CSMD1: variants seen among roughly 807,000 people sequenced by gnomAD.
CSMD1 encodes CUB and sushi domain-containing protein 1.
In CSMD1, 213 loss-of-function variants were observed where a neutral mutation model predicts 417.5. That is an observed-to-expected ratio of 0.51 (90% CI 0.46 to 0.57). CSMD1 has a LOEUF of 0.57. CSMD1 is among the 20% of genes least tolerant of loss of function. CSMD1 has a pLI of 0.00. For synonymous variants in CSMD1, 2,862 were observed against 1,736.8 expected (o/e 1.65, Z -16.11); for missense variants, 6,923 against 4,529.7 (o/e 1.53, Z -15.17).
intron 1 of CSMD1, among the ~76,000 whole-genome samples, chr8:4,771,601 T>C (rs569021744): frequency 6.6e-6 from 1 of 152,324 alleles, no homozygotes; most frequent in African/African-American, 2.4e-5. Flanking sequence ...TATTGAGTAA[T>C]TAAATGTTGA....
chr8:3,990,908 A>C (rs1315361507), intron 5 of CSMD1, among the ~76,000 whole-genome samples: 3 of 152,166 alleles, frequency 2.0e-5, no homozygotes, highest in African/African-American at 2.4e-5. Context: ...CTGACGTGAA[A>C]GACCCTTCCT....
At chr8:3,290,871 G>C (rs148621739) in intron 25 of CSMD1, among the ~76,000 whole-genome samples, 1 of 151,800 alleles carries the variant, frequency 6.6e-6, no homozygotes, top group Non-Finnish European at 1.5e-5. Flanking sequence ...TATTGAATAG[G>C]AGTGGTGAGA....
rs181843887 is a variant in CSMD1 at position 4,285,953 on chromosome 8, A to G, written c.415+134000T>C. Among the ~76,000 whole-genome samples the G allele has an allele frequency of 1.7e-3, 260 of 152,284 alleles. 1 individual carries two copies. Among genetic ancestry groups the G allele is most frequent in the Middle Eastern group, 3.4e-3 (1 of 294 alleles). On this transcript the variant is annotated intron_variant, in intron 3 of 69. Coordinates refer to ENST00000635120, the MANE Select transcript of CSMD1 (RefSeq NM_033225.6). Reference sequence around the variant, plus strand: ...TTTAAGTGGCTATGATATATCCGCAATGCTATAATTACACGTATGCAGTGA... The same window carrying G: ...TTTAAGTGGCTATGATATATCCGCAGTGCTATAATTACACGTATGCAGTGA...
chr8:4,723,905 G>A (rs1409334803), intron 1 of CSMD1, among the ~76,000 whole-genome samples: 1 of 151,686 alleles, frequency 6.6e-6, no homozygotes, highest in Admixed American at 6.6e-5. Flanking sequence ...GATTTGTCCT[G>A]CATATACAGA....
intron 5 of CSMD1, among the ~76,000 whole-genome samples, chr8:3,800,448 A>C (rs1800392945): frequency 6.6e-6 from 1 of 152,158 alleles, no homozygotes; most frequent in South Asian, 2.1e-4. Context: ...ATTCTACAAA[A>C]AGTGCTGGGA....
At chr8:4,309,213 G>C (rs115446540) in intron 3 of CSMD1, among the ~76,000 whole-genome samples, 5,522 of 152,086 alleles carry the variant, frequency 0.036, 248 homozygotes, top group East Asian at 0.2. Flanking sequence ...GGGTCAGTTT[G>C]ATATTACCGT....
At chr8:3,087,349 C>T in intron 48 of CSMD1, 64 bp from the exon 49 acceptor site, 3 of 1,501,696 alleles carry the variant, frequency 2.0e-6, no homozygotes, top group African/African-American at 1.4e-5. Context: ...GTGCCATTGC[C>T]TTTGTGAGAG....
chr8:3,693,568 C>G (rs1234452781), intron 7 of CSMD1, among the ~76,000 whole-genome samples: 1 of 151,934 alleles, frequency 6.6e-6, no homozygotes, highest in African/African-American at 2.4e-5. Context: ...CAGCACAGTT[C>G]TACAGTGAAT....
chr8:4,378,653 G>A (rs1458332644), intron 3 of CSMD1, among the ~76,000 whole-genome samples: 1 of 152,204 alleles, frequency 6.6e-6, no homozygotes, highest in Non-Finnish European at 1.5e-5. Context: ...GATAGCAGCT[G>A]CTGGTTTAAT....
intron 8 of CSMD1, among the ~76,000 whole-genome samples, chr8:3,607,593 G>C (rs1332574170): frequency 6.6e-6 from 1 of 152,118 alleles, no homozygotes; most frequent in African/African-American, 2.4e-5. Context: ...GAGATCACCA[G>C]GCAATGGAAA....
At chr8:3,967,307 C>T (rs988616329) in intron 5 of CSMD1, among the ~76,000 whole-genome samples, 1 of 152,078 alleles carries the variant, frequency 6.6e-6, no homozygotes, top group Non-Finnish European at 1.5e-5. Flanking sequence ...CCTTCCCTTA[C>T]ACCTGAATGG....
At chr8:3,773,443 T>C (rs1335158189) in intron 5 of CSMD1, among the ~76,000 whole-genome samples, 2 of 152,086 alleles carry the variant, frequency 1.3e-5, no homozygotes, top group African/African-American at 4.8e-5. Flanking sequence ...TGCACCACTA[T>C]GCCTGGCTAA....
chr8:3,465,391 C>G (rs778978339), intron 12 of CSMD1, among the ~76,000 whole-genome samples: 2 of 152,074 alleles, frequency 1.3e-5, no homozygotes, highest in Non-Finnish European at 2.9e-5. Flanking sequence ...TCACATATGC[C>G]CAAGCCTACG....
rs752654638 is a variant in CSMD1, at chr8:3,227,771, C to CT, written c.4345+2268dup. On this transcript the variant is annotated intron_variant, in intron 27 of 69. Transcript: ENST00000635120. Reference sequence around the variant, plus strand: ...GATGTTGTCATTTTAAAACTTTTTTCTTTTTTTTTTTTTTGAGACAGAGTC... The same window carrying CT: ...GATGTTGTCATTTTAAAACTTTTTTCTTTTTTTTTTTTTTTGAGACAGAGTC... Among the ~76,000 whole-genome samples the CT allele has an allele frequency of 3.6e-3, 514 of 142,244 alleles. 2 individuals carry two copies. Among genetic ancestry groups the CT allele is most frequent in the African/African-American group, 9.7e-3 (379 of 39,120 alleles). The allele number at this position is 142,244 out of a possible 152,430, so 93.3% of individuals were successfully genotyped here. A position where few individuals can be genotyped will look rare whatever the true frequency, so the allele number is the denominator to read the frequency against.
At chr8:4,128,126 A>G (rs1363514686) in intron 3 of CSMD1, among the ~76,000 whole-genome samples, 1 of 152,134 alleles carries the variant, frequency 6.6e-6, no homozygotes, top group East Asian at 1.9e-4. Flanking sequence ...CTGTCAGGCC[A>G]GCACTCCCAC....
At chr8:4,759,102 G>A (rs1278824993) in intron 1 of CSMD1, among the ~76,000 whole-genome samples, 7 of 152,168 alleles carry the variant, frequency 4.6e-5, no homozygotes, top group Non-Finnish European at 1.0e-4. Context: ...AAGAGTGAGG[G>A]AAATGCATTT....
At chr8:2,984,685 C>T (rs987815301) in intron 54 of CSMD1, among the ~76,000 whole-genome samples, 4 of 152,122 alleles carry the variant, frequency 2.6e-5, no homozygotes, top group South Asian at 2.1e-4. Flanking sequence ...GAACGGCCAG[C>T]GAAGATGAGC....
intron 30 of CSMD1, among the ~76,000 whole-genome samples, chr8:3,209,505 G>A (rs754859086): frequency 1.1e-4 from 16 of 151,810 alleles, no homozygotes; most frequent in Non-Finnish European, 1.9e-4. Flanking sequence ...TTTTTTAGTG[G>A]AAACGGGGTT....
chr8:3,222,355 G>A (rs1227291216), intron 28 of CSMD1, among the ~76,000 whole-genome samples: 2 of 151,478 alleles, frequency 1.3e-5, no homozygotes, highest in African/African-American at 4.9e-5. Context: ...TTGCTCTGTT[G>A]CTCAGCTCAG....
Sources: gnomAD v4.1 joint callset for allele counts (sites outside exome capture counted in the v4.1 genomes callset) on GRCh38, gnomAD v4.1.1 for gene constraint, MANE v1.5 for transcripts, NCBI Gene and HGNC (gene_info 2026-07-23, HGNC 2026-07-21) for gene names.